The following CNTNAP2 variants were observed in gnomAD, a reference collection of about 807,000 sequenced individuals.
CNTNAP2 encodes contactin associated protein 2.
CNTNAP2 carries 98 observed loss-of-function variants against 155.2 expected under a neutral mutation model. The ratio of observed to expected loss-of-function variants is 0.63; its 90% confidence interval spans 0.54 to 0.75. CNTNAP2 has a LOEUF of 0.75. CNTNAP2 is among the 30% of genes least tolerant of loss of function. The pLI, the probability that CNTNAP2 is intolerant of heterozygous loss-of-function variation, is 0.00. For synonymous variants in CNTNAP2, 651 were observed against 631.2 expected, an observed-to-expected ratio of 1.03 and a Z score of -0.47; for missense variants, 1,727 against 1,688.1, an observed-to-expected ratio of 1.02 and a Z score of -0.40.
rs116340441 is a variant in CNTNAP2 at position 147,563,688 on chromosome 7, C to T, written c.1897+1431C>T. ...CCCATATTATTCAGGCAAATTCAAA[C>T]TGAATTATATGCAGCCCATGGATCT... On this transcript the variant is annotated intron_variant, in intron 12 of 23. Coordinates refer to ENST00000361727, the MANE Select transcript of CNTNAP2 (RefSeq NM_014141.6). 5.0e-3 allele frequency among the ~76,000 whole-genome samples: 759 copies of T among 152,134 alleles called. 7 individuals are homozygous for T. The highest frequency in any genetic ancestry group is 0.017 in the African/African-American group (690 of 41,494).
chr7:148,034,942 G>A (rs1563175240), intron 15 of CNTNAP2, among the ~76,000 whole-genome samples: 1 of 152,312 alleles, frequency 6.6e-6, no homozygotes, highest in African/African-American at 2.4e-5. Context: ...GGCCATTCTT[G>A]TTATAAATTG....
chr7:146,830,926 C>G (rs1803496986), intron 2 of CNTNAP2, among the ~76,000 whole-genome samples: 1 of 152,170 alleles, frequency 6.6e-6, no homozygotes, highest in South Asian at 2.1e-4. Flanking sequence ...GTATTTGGGG[C>G]ACGATAACTA....
intron 12 of CNTNAP2, among the ~76,000 whole-genome samples, chr7:147,601,644 A>AAAAAAAAAT (rs1299075338): frequency 1.1e-5 from 1 of 87,468 alleles, no homozygotes; most frequent in African/African-American, 4.3e-5. Flanking sequence ...CTTAAAAAAA[A>AAAAAAAAAT]ATATATATAT....
intron 21 of CNTNAP2, among the ~76,000 whole-genome samples, chr7:148,278,833 G>C (rs1796924480): frequency 6.6e-6 from 1 of 152,220 alleles, no homozygotes; most frequent in Non-Finnish European, 1.5e-5. Context: ...GGCCAGGAAA[G>C]TCGTCTTTGA....
intron 1 of CNTNAP2, among the ~76,000 whole-genome samples, chr7:146,367,530 A>G (rs1795172958): frequency 6.6e-6 from 1 of 152,174 alleles, no homozygotes; most frequent in Non-Finnish European, 1.5e-5. Context: ...GATGCTTGCA[A>G]TCAAATAATG....
At chr7:146,287,211 G>C (rs1800350630) in intron 1 of CNTNAP2, among the ~76,000 whole-genome samples, 1 of 152,178 alleles carries the variant, frequency 6.6e-6, no homozygotes, top group Middle Eastern at 3.4e-3. Flanking sequence ...TCTTCCTGGG[G>C]AGTGGGAAGG....
At chr7:147,356,413 G>C (rs1396202582) in intron 9 of CNTNAP2, among the ~76,000 whole-genome samples, 3 of 152,108 alleles carry the variant, frequency 2.0e-5, no homozygotes, top group African/African-American at 7.2e-5. Flanking sequence ...ATTCAACATA[G>C]TGTTGGAAGT....
intron 15 of CNTNAP2, among the ~76,000 whole-genome samples, chr7:148,108,415 G>C (rs1291380277): frequency 6.6e-6 from 1 of 152,018 alleles, no homozygotes; most frequent in African/African-American, 2.4e-5. Context: ...CAGAGTTTTG[G>C]AAGCTAGTGA....
intron 8 of CNTNAP2, among the ~76,000 whole-genome samples, chr7:147,147,145 GAAGA>G (rs1442151262): frequency 2.6e-5 from 4 of 152,134 alleles, no homozygotes; most frequent in Non-Finnish European, 5.9e-5. Context: ...CATGGCAGCA[GAAGA>G]AAGAGAGTGA....
At chr7:147,166,093 A>G (rs10952673) in intron 8 of CNTNAP2, among the ~76,000 whole-genome samples, 58,863 of 152,042 alleles carry the variant, frequency 0.39, 12,497 homozygotes, top group East Asian at 0.62. Context: ...AGTTTATAGC[A>G]ACAAAATTCA....
intron 13 of CNTNAP2, among the ~76,000 whole-genome samples, chr7:147,772,503 C>CAAAA (rs1797491422): frequency 1.0e-5 from 1 of 98,750 alleles, no homozygotes; most frequent in African/African-American, 4.1e-5. Flanking sequence ...AAAAAAAAAC[C>CAAAA]ACAAAAGAGG....
At chr7:146,442,538 A>T (rs764343247) in intron 1 of CNTNAP2, among the ~76,000 whole-genome samples, 19 of 152,188 alleles carry the variant, frequency 1.2e-4, no homozygotes, top group Non-Finnish European at 2.6e-4. Flanking sequence ...CTCATCAAAA[A>T]AACTCAGTAG....
intron 1 of CNTNAP2, among the ~76,000 whole-genome samples, chr7:146,151,775 T>G (rs1299465390): frequency 6.9e-6 from 1 of 145,696 alleles, no homozygotes; most frequent in Admixed American, 7.1e-5. Flanking sequence ...AGGAAATATT[T>G]TGAGAACAGT....
At chr7:147,534,037 C>T (rs1423026959) in intron 11 of CNTNAP2, among the ~76,000 whole-genome samples, 1 of 152,144 alleles carries the variant, frequency 6.6e-6, no homozygotes, top group Non-Finnish European at 1.5e-5. Flanking sequence ...AACTTTCTGG[C>T]TTTTAGAATT....
intron 3 of CNTNAP2, among the ~76,000 whole-genome samples, chr7:146,860,761 G>A (rs10272150): frequency 0.031 from 4,657 of 151,294 alleles, 216 homozygotes; most frequent in African/African-American, 0.11. Context: ...AAAAAAAAAC[G>A]CATTATTGAC....
intron 14 of CNTNAP2, among the ~76,000 whole-genome samples, chr7:147,973,052 GA>G (rs1324277730): frequency 2.0e-5 from 3 of 151,756 alleles, no homozygotes; most frequent in African/African-American, 7.3e-5. Flanking sequence ...AACTACTCAG[GA>G]GGCTGAGGCA....
At chr7:146,187,521 A>G (rs866842523) in intron 1 of CNTNAP2, among the ~76,000 whole-genome samples, 1 of 152,140 alleles carries the variant, frequency 6.6e-6, no homozygotes, top group South Asian at 2.1e-4. Flanking sequence ...TCCCATAAAT[A>G]TTGTCTTGTG....
chr7:147,690,155 T>C (rs758409873), intron 13 of CNTNAP2, among the ~76,000 whole-genome samples: 9 of 152,122 alleles, frequency 5.9e-5, no homozygotes, highest in Non-Finnish European at 1.0e-4. Context: ...GCCCACACTT[T>C]TCTCTGTGTT....
At chr7:147,647,407 C>CA (rs1795384343) in intron 13 of CNTNAP2, among the ~76,000 whole-genome samples, 1 of 151,468 alleles carries the variant, frequency 6.6e-6, no homozygotes. Context: ...AACTGGTAAG[C>CA]AAAAAAATAA....
Sources: gnomAD v4.1 joint callset for allele counts (sites outside exome capture counted in the v4.1 genomes callset) on GRCh38, gnomAD v4.1.1 for gene constraint, MANE v1.5 for transcripts, NCBI Gene and HGNC (gene_info 2026-07-23, HGNC 2026-07-21) for gene names.